Variants in SNTG2 observed in about 807,000 individuals in gnomAD.
SNTG2 encodes syntrophin gamma 2, also known as gamma-2-syntrophin.
Under a neutral mutation model 70.9 loss-of-function variants are expected in SNTG2, and 74 were observed. That is an observed-to-expected ratio of 1.04 (90% CI 0.86 to 1.27). The LOEUF is 1.27. SNTG2 is among the 50% of genes most tolerant of loss of function. The pLI is 0.00. For synonymous variants in SNTG2, 278 were observed against 273.8 expected, an observed-to-expected ratio of 1.02 and a Z score of -0.15; for missense variants, 717 against 690.7, an observed-to-expected ratio of 1.04 and a Z score of -0.43.
intron 16 of SNTG2, among the ~76,000 whole-genome samples, chr2:1,321,538 T>C (rs1385659310): frequency 6.6e-6 from 1 of 152,108 alleles, no homozygotes; most frequent in Non-Finnish European, 1.5e-5. Flanking sequence ...CTGCTGAGTT[T>C]TCTTGGCAGG....
intron 4 of SNTG2, chr2:1,102,743 T>G (rs2148224766): frequency 6.6e-6 from 1 of 152,454 alleles, no homozygotes; most frequent in Admixed American, 6.5e-5. Flanking sequence ...GCATTTAAAT[T>G]AAGTGAATGG....
intron 2 of SNTG2, among the ~76,000 whole-genome samples, chr2:1,091,101 C>T (rs913438854): frequency 3.3e-5 from 5 of 152,146 alleles, no homozygotes; most frequent in Admixed American, 6.5e-5. Context: ...TTGTGAAGAG[C>T]GAAGTTGAAG....
At chr2:978,578 A>G (rs1660990213) in intron 1 of SNTG2, among the ~76,000 whole-genome samples, 1 of 152,096 alleles carries the variant, frequency 6.6e-6, no homozygotes, top group Admixed American at 6.6e-5. Flanking sequence ...TCTAGGTGGT[A>G]TTTCCCCCAC....
chr2:1,167,936 GGCAGAAC>G, intron 7 of SNTG2, among the ~76,000 whole-genome samples: 1 of 123,074 alleles, frequency 8.1e-6, no homozygotes. Context: ...GCCCACAGAC[GGCAGAAC>G]TGAAGCCTAC....
intron 1 of SNTG2, among the ~76,000 whole-genome samples, chr2:1,071,302 C>T (rs1471915973): frequency 6.6e-6 from 1 of 150,524 alleles, no homozygotes; most frequent in Non-Finnish European, 1.5e-5. Flanking sequence ...ACATATACAC[C>T]ATGGAATACT....
chr2:1,010,269 A>T (rs1333181305), intron 1 of SNTG2, among the ~76,000 whole-genome samples: 2 of 152,204 alleles, frequency 1.3e-5, no homozygotes, highest in Admixed American at 6.5e-5. Context: ...TGAAGCTTCT[A>T]CAGTAAAAGT....
At chr2:1,207,323 T>G (rs1194265700) in intron 8 of SNTG2, among the ~76,000 whole-genome samples, 3 of 152,244 alleles carry the variant, frequency 2.0e-5, no homozygotes, top group African/African-American at 7.2e-5. Flanking sequence ...GTTCCAATAT[T>G]GCCACTTTTG....
chr2:1,200,406 A>G lies in SNTG2; in HGVS notation c.592-8697A>G, dbSNP rs1572709238. 2.0e-5 allele frequency among the ~76,000 whole-genome samples: 3 copies of G among 152,060 alleles called. No individual in the cohort carries two copies. In the South Asian group the frequency reaches 6.2e-4, roughly 31 times the overall value. On this transcript the variant is annotated intron_variant, in intron 8 of 16. Transcript: ENST00000308624. ...AAGCTTAAACGTGAGATCCAAAATT[A>G]TAAAACTACTAGAAGTAAACATAGT...
At chr2:1,258,208 A>G (rs542807815) in intron 12 of SNTG2, among the ~76,000 whole-genome samples, 163 of 152,158 alleles carry the variant, frequency 1.1e-3, no homozygotes, top group Non-Finnish European at 1.8e-3. Context: ...TCAGGCATCC[A>G]TCAGCATGGC....
At chr2:1,242,189 A>G (rs1040166978) in intron 11 of SNTG2, among the ~76,000 whole-genome samples, 1 of 152,146 alleles carries the variant, frequency 6.6e-6, no homozygotes, top group Non-Finnish European at 1.5e-5. Flanking sequence ...GCTTTGTACA[A>G]ATGTTAGGAG....
chr2:967,085 A>G (rs539362215), intron 1 of SNTG2, among the ~76,000 whole-genome samples: 23 of 152,246 alleles, frequency 1.5e-4, no homozygotes, highest in Non-Finnish European at 2.4e-4. Flanking sequence ...TTAAAGCAGA[A>G]AGAATTGTCA....
chr2:1,069,007 G>C (rs1428215319), intron 1 of SNTG2, among the ~76,000 whole-genome samples: 1 of 152,198 alleles, frequency 6.6e-6, no homozygotes. Flanking sequence ...ATGTGCATTT[G>C]AAAGACGGAA....
intron 12 of SNTG2, among the ~76,000 whole-genome samples, chr2:1,255,014 C>T (rs1288181299): frequency 6.6e-6 from 1 of 152,154 alleles, no homozygotes; most frequent in African/African-American, 2.4e-5. Context: ...TGCATGGGCC[C>T]CTCTTAGCAG....
chr2:1,037,279 C>T lies in SNTG2; in HGVS notation c.73-46239C>T, dbSNP rs992282898. Among the ~76,000 whole-genome samples, 17 of 152,166 alleles carry T rather than the reference C, an allele frequency of 1.1e-4. No homozygotes were observed. In the South Asian group the frequency reaches 2.9e-3, roughly 26 times the overall value. On this transcript the variant is annotated intron_variant, in intron 1 of 16. Coordinates refer to ENST00000308624, the MANE Select transcript of SNTG2 (RefSeq NM_018968.4). Reference sequence around the variant, plus strand: ...CACCAAGGCAGTGGGGGCTAACACCCGAGGCTATTCCTCACCCCATGCCTC... The same window carrying T: ...CACCAAGGCAGTGGGGGCTAACACCTGAGGCTATTCCTCACCCCATGCCTC...
chr2:1,085,794 C>T (rs745607917), intron 2 of SNTG2, among the ~76,000 whole-genome samples: 12 of 152,218 alleles, frequency 7.9e-5, no homozygotes, highest in Non-Finnish European at 1.0e-4. Flanking sequence ...GGAGAGCCGG[C>T]TTCCTCTTAC....
At chr2:985,728 A>G (rs1661283720) in intron 1 of SNTG2, among the ~76,000 whole-genome samples, 1 of 152,042 alleles carries the variant, frequency 6.6e-6, no homozygotes. Context: ...TTCTGATAGG[A>G]CCGTCTGAGA....
At chr2:1,296,073 G>A (rs1381942103) in intron 14 of SNTG2, among the ~76,000 whole-genome samples, 1 of 151,944 alleles carries the variant, frequency 6.6e-6, no homozygotes, top group Non-Finnish European at 1.5e-5. Flanking sequence ...TCAGGCAGGT[G>A]TCTCCATCGA....
chr2:1,071,696 G>A (rs1663570292), intron 1 of SNTG2, among the ~76,000 whole-genome samples: 1 of 151,904 alleles, frequency 6.6e-6, no homozygotes, highest in African/African-American at 2.4e-5. Context: ...AGGGTGTCGT[G>A]TTGAATGCTT....
At chr2:970,514 C>T (rs1429332355) in intron 1 of SNTG2, among the ~76,000 whole-genome samples, 37 of 144,082 alleles carry the variant, frequency 2.6e-4, no homozygotes, top group Non-Finnish European at 3.6e-4. Flanking sequence ...TGAGAATACG[C>T]GGTGTTTGGT....
Sources: allele counts gnomAD v4.1 joint callset (sites outside exome capture counted in the v4.1 genomes callset), GRCh38; gene constraint gnomAD v4.1.1; transcripts MANE v1.5; gene names NCBI Gene and HGNC (gene_info 2026-07-23, HGNC 2026-07-21).